RFX3: variants seen among roughly 807,000 people sequenced by gnomAD.
The protein encoded by RFX3 is regulatory factor X3.
In RFX3, 14 loss-of-function variants were observed where a neutral mutation model predicts 98.6. That is an observed-to-expected ratio of 0.14 (90% confidence interval 0.09 to 0.22). The LOEUF is 0.22. Ranked by LOEUF, RFX3 falls within the 10% of genes least tolerant of loss-of-function variation. The probability of loss-of-function intolerance (pLI) is 1.00; values close to 1 mark genes in which losing one functional copy is unlikely to be tolerated. For missense variants in RFX3, 639 were observed against 926.9 expected (o/e 0.69, Z 4.03); for synonymous variants, 383 against 328.4 (o/e 1.17, Z -1.80).
chr9:3,402,681 C>T (rs908054072), intron 1 of RFX3, among the ~76,000 whole-genome samples: 2 of 151,498 alleles, frequency 1.3e-5, no homozygotes, highest in Non-Finnish European at 2.9e-5. Flanking sequence ...ATATTTAATA[C>T]TTTTATTACT....
intron 1 of RFX3, chr9:3,420,949 T>TACAACAGAAACTA (rs1843387988): frequency 2.0e-6 from 2 of 977,216 alleles, no homozygotes; most frequent in Non-Finnish European, 1.2e-6. Flanking sequence ...GTTCTGTGGC[T>TACAACAGAAACTA]ACAACAGAAA....
chr9:3,393,767 G>A (rs981941782), intron 2 of RFX3, among the ~76,000 whole-genome samples: 15 of 147,118 alleles, frequency 1.0e-4, no homozygotes, highest in Admixed American at 9.4e-4. Context: ...TAAAGTGGGC[G>A]CTAAACAATT....
intron 1 of RFX3, among the ~76,000 whole-genome samples, chr9:3,502,717 C>T (rs944145079): frequency 1.3e-5 from 2 of 152,078 alleles, no homozygotes; most frequent in Admixed American, 6.6e-5. Flanking sequence ...TTTCCTCACC[C>T]TTCCATCCAC....
chr9:3,225,402 G>C lies in RFX3; in HGVS notation c.2012-122C>G, dbSNP rs1271751854. 3.6e-6 allele frequency: 5 copies of C among 1,406,902 alleles called. No individual in the cohort carries two copies. In the Admixed American group the frequency reaches 1.3e-4, roughly 36 times the overall value. The allele number at this position is 1,406,902 out of a possible 1,614,324, so 87.2% of individuals were successfully genotyped here. On this transcript the variant is annotated intron_variant, in intron 16 of 16. Coordinates refer to ENST00000617270, the MANE Select transcript of RFX3 (RefSeq NM_001282116.2). The stretch of plus-strand genomic sequence containing the variant: ...AAAGCAACAGCTTAGCTCTTCTCAG[G>C]AAACAAAGCTTAGAGGTTTTCTTTT...
intron 4 of RFX3, among the ~76,000 whole-genome samples, chr9:3,320,768 CATATATATAT>C (rs34990458): frequency 0.056 from 4,768 of 85,794 alleles, 172 homozygotes; most frequent in Admixed American, 0.12. Context: ...TGCTACATAG[CATATATATAT>C]ATATATATAT....
At chr9:3,426,259 T>C (rs1311479384) in intron 1 of RFX3, among the ~76,000 whole-genome samples, 1 of 152,148 alleles carries the variant, frequency 6.6e-6, no homozygotes. Context: ...CAGTGATGTT[T>C]CAATACATAT....
chr9:3,227,239 G>T (rs909932655), intron 16 of RFX3, among the ~76,000 whole-genome samples: 1 of 152,196 alleles, frequency 6.6e-6, no homozygotes, highest in African/African-American at 2.4e-5. Flanking sequence ...GAGACAAAGT[G>T]AGGAAAGTTC....
chr9:3,248,616 G>T (rs904381179), intron 14 of RFX3, among the ~76,000 whole-genome samples: 2 of 152,128 alleles, frequency 1.3e-5, no homozygotes, highest in Non-Finnish European at 2.9e-5. Flanking sequence ...GTAGGCCTTA[G>T]AAAAAAGATG....
At chr9:3,266,901 C>T (rs115607386) in intron 11 of RFX3, among the ~76,000 whole-genome samples, 263 of 152,066 alleles carry the variant, frequency 1.7e-3, no homozygotes, top group African/African-American at 5.9e-3. Context: ...TAGAGGTAAA[C>T]GATCAGTATG....
chr9:3,346,850 G>T, intron 2 of RFX3, 86 bp from the exon 3 acceptor site: 1 of 782,342 alleles, frequency 1.3e-6, no homozygotes, highest in Non-Finnish European at 2.2e-6. Context: ...AGGTTTATCC[G>T]GTATTATTGA....
intron 1 of RFX3, among the ~76,000 whole-genome samples, chr9:3,475,541 G>C (rs901783417): frequency 6.6e-6 from 1 of 152,172 alleles, no homozygotes; most frequent in Non-Finnish European, 1.5e-5. Context: ...AGAGAGGACA[G>C]CTTATGCTAC....
At chr9:3,286,486 G>C (rs557894691) in intron 7 of RFX3, among the ~76,000 whole-genome samples, 1 of 151,680 alleles carries the variant, frequency 6.6e-6, no homozygotes, top group Non-Finnish European at 1.5e-5. Flanking sequence ...ACCTTGAACT[G>C]AGTCTTCAGT....
chr9:3,243,892 G>A (rs1045179408), intron 15 of RFX3, among the ~76,000 whole-genome samples: 3 of 152,164 alleles, frequency 2.0e-5, no homozygotes, highest in Non-Finnish European at 4.4e-5. Flanking sequence ...AAGGACTTTG[G>A]TGCCAGACTG....
intron 11 of RFX3, 49 bp from the exon 12 acceptor site, chr9:3,266,354 T>A (rs1265565454): frequency 4.1e-6 from 5 of 1,206,716 alleles, no homozygotes; most frequent in Non-Finnish European, 3.7e-6. Context: ...TGAAAGAATA[T>A]TAATGTTTGT....
chr9:3,446,447 A>G (rs914047299), intron 1 of RFX3, among the ~76,000 whole-genome samples: 3 of 152,110 alleles, frequency 2.0e-5, no homozygotes, highest in Non-Finnish European at 4.4e-5. Flanking sequence ...GGAAACCAGG[A>G]GATCTGTGAA....
intron 1 of RFX3, among the ~76,000 whole-genome samples, chr9:3,493,242 G>C: frequency 6.6e-6 from 1 of 151,998 alleles, no homozygotes; most frequent in East Asian, 1.9e-4. Flanking sequence ...TCAATTAAAA[G>C]CCCAAGTTCT....
At chr9:3,479,114 G>C (rs1308195114) in intron 1 of RFX3, among the ~76,000 whole-genome samples, 2 of 152,212 alleles carry the variant, frequency 1.3e-5, no homozygotes, top group Non-Finnish European at 2.9e-5. Flanking sequence ...GCTGGAGAGA[G>C]AGATGAGAAT....
rs368572240 is a variant in RFX3, at chr9:3,393,070, C to A, written c.117+2402G>T. Among the ~76,000 whole-genome samples, 31 of 149,978 alleles carry A rather than the reference C, an allele frequency of 2.1e-4. 1 individual carries two copies. The East Asian group carries it at 5.9e-3, about 28-fold the overall frequency. On this transcript the variant is annotated intron_variant, in intron 2 of 16. Transcript: ENST00000617270. ...AAGGGTGGGTGGGCGGGTGGGTGGGCCAGGGTGTGTGTGTGTTGTGTTAGG... is the reference window on the plus strand; with the variant it reads ...AAGGGTGGGTGGGCGGGTGGGTGGGACAGGGTGTGTGTGTGTTGTGTTAGG...
intron 1 of RFX3, among the ~76,000 whole-genome samples, chr9:3,463,718 C>A (rs1002017995): frequency 6.6e-6 from 1 of 152,084 alleles, no homozygotes; most frequent in African/African-American, 2.4e-5. Flanking sequence ...TGCTTATAAT[C>A]CCAACACTTT....
Sources: allele counts gnomAD v4.1 joint callset (sites outside exome capture counted in the v4.1 genomes callset), GRCh38; gene constraint gnomAD v4.1.1; transcripts MANE v1.5; gene names NCBI Gene and HGNC (gene_info 2026-07-23, HGNC 2026-07-21).